The following PRKCB variants were observed in gnomAD, a reference collection of about 807,000 sequenced individuals.
PRKCB encodes the protein protein kinase C beta type.
PRKCB carries 13 observed loss-of-function variants against 81.5 expected under a neutral mutation model. That is an observed-to-expected ratio of 0.16 (90% CI 0.10 to 0.25). PRKCB has a LOEUF of 0.25. PRKCB is among the 10% of genes least tolerant of loss of function. The pLI is 1.00. For synonymous variants in PRKCB, 335 were observed against 321.4 expected, an observed-to-expected ratio of 1.04 and a Z score of -0.45; for missense variants, 509 against 875.7, an observed-to-expected ratio of 0.58 and a Z score of 5.29.
intron 2 of PRKCB, among the ~76,000 whole-genome samples, chr16:23,971,258 A>G (rs1298262568): frequency 6.6e-6 from 1 of 152,214 alleles, no homozygotes; most frequent in African/African-American, 2.4e-5. Flanking sequence ...CTGTGGATGA[A>G]GTACATGTTG....
chr16:24,144,266 A>G (rs1426873336), intron 9 of PRKCB, among the ~76,000 whole-genome samples: 1 of 152,140 alleles, frequency 6.6e-6, no homozygotes, highest in African/African-American at 2.4e-5. Context: ...ATATATGCAT[A>G]CATGTACACA....
intron 2 of PRKCB, among the ~76,000 whole-genome samples, chr16:23,902,845 C>G (rs931870396): frequency 7.0e-6 from 1 of 143,526 alleles, no homozygotes; most frequent in Non-Finnish European, 1.5e-5. Context: ...ACTCTGTCAC[C>G]CAGTCTGGAG....
chr16:23,899,267 A>G (rs1014962240), intron 2 of PRKCB, among the ~76,000 whole-genome samples: 9 of 152,224 alleles, frequency 5.9e-5, no homozygotes, highest in African/African-American at 2.2e-4. Flanking sequence ...TGGCATTTGC[A>G]ACATTGGTTG....
chr16:23,984,865 C>T (rs1964782121), intron 2 of PRKCB, among the ~76,000 whole-genome samples: 1 of 152,074 alleles, frequency 6.6e-6, no homozygotes, highest in Non-Finnish European at 1.5e-5. Flanking sequence ...CGAGACTATG[C>T]TGTCATCCCT....
chr16:23,903,256 TAAG>T (rs2141724562), intron 2 of PRKCB, among the ~76,000 whole-genome samples: 1 of 63,492 alleles, frequency 1.6e-5, no homozygotes, highest in Non-Finnish European at 3.1e-5. Flanking sequence ...GAAGGGAACT[TAAG>T]TGTGTGTGTG....
At chr16:23,866,948 C>T (rs1296257322) in intron 2 of PRKCB, among the ~76,000 whole-genome samples, 1 of 138,654 alleles carries the variant, frequency 7.2e-6, no homozygotes, top group Non-Finnish European at 1.5e-5. Context: ...CTTCCCCTTC[C>T]TTTCTTCCTT....
intron 7 of PRKCB, among the ~76,000 whole-genome samples, chr16:24,105,095 C>T (rs563272890): frequency 3.7e-4 from 56 of 150,374 alleles, no homozygotes; most frequent in African/African-American, 1.2e-3. Context: ...CTCACTCTAT[C>T]GCCCAGGCTG....
Position 24,124,000 on chromosome 16 carries a change from G to T in PRKCB, c.1065+19G>T, listed in dbSNP as rs777457442. The T allele has an allele frequency of 1.2e-6, 2 of 1,613,326 alleles. No individual in the cohort carries two copies. Among genetic ancestry groups the T allele is most frequent in the Non-Finnish European group, 1.7e-6 (2 of 1,179,622 alleles). On this transcript the variant is annotated intron_variant, in intron 9 of 16. Coordinates refer to ENST00000643927, the MANE Select transcript of PRKCB (RefSeq NM_002738.7). ...TGGCAAGGTATGGTATGATTTGGTG[G>T]CTCCACCTGCTTTGGAAGGAACATC...
chr16:23,863,192 A>G (rs1309774075), intron 2 of PRKCB, among the ~76,000 whole-genome samples: 3 of 66,144 alleles, frequency 4.5e-5, no homozygotes, highest in Non-Finnish European at 8.9e-5. Context: ...GTATACATAC[A>G]TACGTATATA....
intron 2 of PRKCB, among the ~76,000 whole-genome samples, chr16:23,897,041 A>G (rs1354901119): frequency 6.6e-6 from 1 of 152,122 alleles, no homozygotes; most frequent in Non-Finnish European, 1.5e-5. Flanking sequence ...ATAAGCAGTC[A>G]TTGAGTGCCT....
At chr16:23,854,466 G>T (rs1962528594) in intron 2 of PRKCB, among the ~76,000 whole-genome samples, 1 of 152,150 alleles carries the variant, frequency 6.6e-6, no homozygotes, top group Non-Finnish European at 1.5e-5. Flanking sequence ...GCTGTTCTTG[G>T]CTGGGCTCAT....
chr16:23,968,608 C>A (rs752460691), intron 2 of PRKCB, among the ~76,000 whole-genome samples: 3 of 152,172 alleles, frequency 2.0e-5, no homozygotes, highest in Non-Finnish European at 2.9e-5. Flanking sequence ...CTGAACCCAG[C>A]TGGAAACCAG....
chr16:24,156,483 C>T (rs1360035777), intron 10 of PRKCB, among the ~76,000 whole-genome samples: 1 of 152,132 alleles, frequency 6.6e-6, no homozygotes, highest in Non-Finnish European at 1.5e-5. Flanking sequence ...CCATGTTGTC[C>T]AGGCTGGTCT....
chr16:24,121,998 T>C (rs1966803636), intron 8 of PRKCB, among the ~76,000 whole-genome samples: 1 of 152,202 alleles, frequency 6.6e-6, no homozygotes, highest in Non-Finnish European at 1.5e-5. Flanking sequence ...ATCCTTGCCA[T>C]TGGGGAGCTT....
At chr16:23,842,277 A>C (rs192777713) in intron 2 of PRKCB, among the ~76,000 whole-genome samples, 200 of 152,274 alleles carry the variant, frequency 1.3e-3, no homozygotes, top group Admixed American at 3.7e-3. Context: ...TAAAATGGGG[A>C]TAATAGCACC....
intron 2 of PRKCB, among the ~76,000 whole-genome samples, chr16:23,952,245 T>C (rs755270187): frequency 6.6e-6 from 1 of 152,172 alleles, no homozygotes. Context: ...TCAAAAGCCC[T>C]GAGCAGAGAA....
intron 5 of PRKCB, among the ~76,000 whole-genome samples, chr16:24,057,538 T>A (rs933336687): frequency 6.6e-6 from 1 of 152,212 alleles, no homozygotes; most frequent in African/African-American, 2.4e-5. Flanking sequence ...GCTGTAGGAA[T>A]GAATATGATT....
rs182424580 is a variant in PRKCB at position 24,116,963 on chromosome 16, T to A, written c.918+3894T>A. On this transcript the variant is annotated intron_variant, in intron 8 of 16. Transcript: ENST00000643927. ...GTCTGGGCCAGTAATTGGCTTGGAA[T>A]AGGAGACTGTTTTATCCGCATGCAA... Among the ~76,000 whole-genome samples, 22 of 152,330 alleles carry A rather than the reference T, an allele frequency of 1.4e-4. No homozygotes were observed. In the East Asian group the frequency reaches 4.1e-3, roughly 28 times the overall value.
chr16:24,125,120 AATC>A (rs1966840821), intron 9 of PRKCB, among the ~76,000 whole-genome samples: 1 of 134,820 alleles, frequency 7.4e-6, no homozygotes, highest in Non-Finnish European at 1.5e-5. Flanking sequence ...ACCTATAATT[AATC>A]GTTACCTATA....
Sources: allele counts gnomAD v4.1 joint callset (sites outside exome capture counted in the v4.1 genomes callset), GRCh38; gene constraint gnomAD v4.1.1; transcripts MANE v1.5; gene names NCBI Gene and HGNC (gene_info 2026-07-23, HGNC 2026-07-21).